Variants in BNC2 observed in about 807,000 individuals in gnomAD.
The protein encoded by BNC2 is basonuclin zinc finger protein 2, also known as zinc finger protein basonuclin-2.
BNC2 carries 20 observed loss-of-function variants against 76.3 expected under a neutral mutation model. That is an observed-to-expected ratio of 0.26 (90% CI 0.18 to 0.38). The LOEUF (loss-of-function observed/expected upper bound fraction) is 0.38. Among genes scored for constraint, BNC2 ranks in the 10% least tolerant of loss-of-function variants. The pLI, the probability that BNC2 is intolerant of heterozygous loss-of-function variation, is 1.00. For missense variants in BNC2, 1,382 were observed against 1,399.8 expected (o/e 0.99, Z 0.20); for synonymous variants, 582 against 514.8 (o/e 1.13, Z -1.77).
chr9:16,779,628 T>C (rs2135533805), intron 1 of BNC2, among the ~76,000 whole-genome samples: 1 of 152,312 alleles, frequency 6.6e-6, no homozygotes, highest in South Asian at 2.1e-4. Flanking sequence ...AACTGTGACC[T>C]ATCCATACAA....
intron 3 of BNC2, among the ~76,000 whole-genome samples, chr9:16,617,826 C>A (rs1820754214): frequency 6.6e-6 from 1 of 152,204 alleles, no homozygotes; most frequent in Non-Finnish European, 1.5e-5. Flanking sequence ...TAGGTATTAT[C>A]CCATTTCACT....
intron 5 of BNC2, among the ~76,000 whole-genome samples, chr9:16,446,669 C>T (rs1821237804): frequency 6.6e-6 from 1 of 152,086 alleles, no homozygotes. Context: ...AAAAAATTTA[C>T]TGTTACAGAA....
intron 1 of BNC2, among the ~76,000 whole-genome samples, chr9:16,748,566 G>A (rs1026204649): frequency 5.3e-5 from 8 of 151,638 alleles, no homozygotes; most frequent in Admixed American, 2.6e-4. Flanking sequence ...GAATTTGCCC[G>A]GGTGCAGTGG....
At chr9:16,587,047 C>T (rs1233161780) in intron 3 of BNC2, among the ~76,000 whole-genome samples, 1 of 152,144 alleles carries the variant, frequency 6.6e-6, no homozygotes, top group African/African-American at 2.4e-5. Flanking sequence ...TCTTAGTTCT[C>T]AGAAAATAGC....
chr9:16,754,089 T>C (rs926826508), intron 1 of BNC2, among the ~76,000 whole-genome samples: 25 of 152,180 alleles, frequency 1.6e-4, no homozygotes, highest in African/African-American at 5.5e-4. Flanking sequence ...AAAGGGTAAA[T>C]TATTAACCGA....
chr9:16,578,793 T>C lies in BNC2; in HGVS notation c.433+4190A>G, dbSNP rs147891035. ...TTTTCAAGCCATACTCAGATTGTTT[T>C]AGGTGAATGAAGGAAACGCACTGAG... On this transcript the variant is annotated intron_variant, in intron 4 of 6. Coordinates refer to ENST00000380672, the MANE Select transcript of BNC2 (RefSeq NM_017637.6). Among the ~76,000 whole-genome samples, 267 of 152,290 alleles carry C rather than the reference T, an allele frequency of 1.8e-3. 2 individuals carry two copies. The highest frequency in any genetic ancestry group is 6.0e-3 in the African/African-American group (251 of 41,562).
intron 5 of BNC2, among the ~76,000 whole-genome samples, chr9:16,443,568 A>G (rs1821173052): frequency 6.8e-6 from 1 of 146,850 alleles, no homozygotes; most frequent in Non-Finnish European, 1.5e-5. Context: ...ATGCTATGCA[A>G]AACTTAAATC....
chr9:16,460,722 C>A (rs1332891398), intron 5 of BNC2, among the ~76,000 whole-genome samples: 1 of 152,076 alleles, frequency 6.6e-6, no homozygotes, highest in Admixed American at 6.5e-5. Context: ...TTACTATGAT[C>A]TGCGTTGACT....
At position 16,818,119 on chromosome 9, in the gene BNC2, T is replaced by A. The variant is rs1192111190; in HGVS notation, c.3+52527A>T. ...ACTATAAAATAAAAATTAAAAAAAA[T>A]TTAGGCCGGGCACGGTGGCTCACGC... On this transcript the variant is annotated intron_variant, in intron 1 of 6. Coordinates refer to ENST00000380672, the MANE Select transcript of BNC2 (RefSeq NM_017637.6). Among the ~76,000 whole-genome samples the A allele has an allele frequency of 2.0e-5, 3 of 152,034 alleles. 1 individual carries two copies. The highest frequency in any genetic ancestry group is 1.3e-4 in the Admixed American group (2 of 15,248).
At chr9:16,478,147 G>A (rs62540630) in intron 5 of BNC2, among the ~76,000 whole-genome samples, 17,965 of 152,096 alleles carry the variant, frequency 0.12, 1,616 homozygotes, top group African/African-American at 0.25. Flanking sequence ...ATCTGCCTTC[G>A]TATAAATTTC....
chr9:16,837,010 C>G (rs1242460629), intron 1 of BNC2, among the ~76,000 whole-genome samples: 1 of 152,168 alleles, frequency 6.6e-6, no homozygotes, highest in Non-Finnish European at 1.5e-5. Context: ...TTTACCACAT[C>G]ATAAATTCTC....
chr9:16,519,933 A>G lies in BNC2; in HGVS notation c.669+32597T>C, dbSNP rs114165849. Among the ~76,000 whole-genome samples the G allele has an allele frequency of 1.6e-3, 241 of 152,326 alleles. 2 individuals are homozygous for G. Among genetic ancestry groups the G allele is most frequent in the African/African-American group, 5.0e-3 (209 of 41,578 alleles). ...CATACCCACGAGACAGTCAACAGAC[A>G]CTGGCAGGGACCAGTGCCATAGTTC... On this transcript the variant is annotated intron_variant, in intron 5 of 6. Transcript: ENST00000380672.
intron 1 of BNC2, among the ~76,000 whole-genome samples, chr9:16,757,236 C>T (rs1227901873): frequency 1.3e-5 from 2 of 152,144 alleles, no homozygotes; most frequent in African/African-American, 4.8e-5. Context: ...TATTTAAAAG[C>T]ATGTAGATTT....
At chr9:16,421,366 A>AGAG in intron 6 of BNC2, 1 of 1,052,538 alleles carries the variant, frequency 9.5e-7, no homozygotes, top group Non-Finnish European at 1.3e-6. Flanking sequence ...AGAGAGAGAG[A>AGAG]AAACAAATTC....
chr9:16,748,486 C>A (rs1825075697), intron 1 of BNC2, among the ~76,000 whole-genome samples: 1 of 151,994 alleles, frequency 6.6e-6, no homozygotes, highest in Admixed American at 6.6e-5. Context: ...TGCACTCCAG[C>A]CTGGGAGACA....
intron 1 of BNC2, among the ~76,000 whole-genome samples, chr9:16,842,392 T>C (rs1007910548): frequency 2.0e-5 from 3 of 152,220 alleles, no homozygotes; most frequent in African/African-American, 7.2e-5. Context: ...TTTTCACATA[T>C]GTCATCTCAG....
intron 4 of BNC2, chr9:16,575,136 G>A: frequency 2.7e-6 from 1 of 364,724 alleles, no homozygotes; most frequent in Non-Finnish European, 3.8e-6. Context: ...ACATTTCACA[G>A]ATGACAGAAC....
intron 5 of BNC2, among the ~76,000 whole-genome samples, chr9:16,445,220 G>C (rs1267750354): frequency 6.6e-6 from 1 of 152,214 alleles, no homozygotes; most frequent in Admixed American, 6.5e-5. Context: ...TGTTTTAGCA[G>C]ATTTACATTA....
intron 1 of BNC2, among the ~76,000 whole-genome samples, chr9:16,849,213 C>T (rs1405439985): frequency 6.6e-6 from 1 of 151,794 alleles, no homozygotes; most frequent in East Asian, 1.9e-4. Context: ...TTTTTATTTC[C>T]CGAACTCTCA....
Sources: gnomAD v4.1 joint callset for allele counts (sites outside exome capture counted in the v4.1 genomes callset) on GRCh38, gnomAD v4.1.1 for gene constraint, MANE v1.5 for transcripts, NCBI Gene and HGNC (gene_info 2026-07-23, HGNC 2026-07-21) for gene names.